Variants in AFG2A observed in about 807,000 individuals in gnomAD.
AFG2A encodes the protein ATPase family gene 2 protein homolog A.
chr4:123,138,699 AT>A, the AFG2A span, among the ~76,000 whole-genome samples: 7 of 152,104 alleles, frequency 4.6e-5, no homozygotes, highest in Admixed American at 2.0e-4. Context: ...TGGAAAAAAA[AT>A]AAATATATTC....
chr4:122,955,125 G>C, the AFG2A span, among the ~76,000 whole-genome samples: 2 of 152,178 alleles, frequency 1.3e-5, no homozygotes, highest in Non-Finnish European at 1.5e-5. Context: ...ACAAGACATA[G>C]GGTTTTATTA....
chr4:123,188,117 A>G, the AFG2A span, among the ~76,000 whole-genome samples: 1 of 152,068 alleles, frequency 6.6e-6, no homozygotes, highest in Non-Finnish European at 1.5e-5. Context: ...TTTTATTCTT[A>G]TCATTAAACA....
At chr4:123,197,770 A>AAAATAAATAAATAAATAAATAAAT in the AFG2A span, among the ~76,000 whole-genome samples, 65 of 149,512 alleles carry the variant, frequency 4.3e-4, no homozygotes, top group African/African-American at 1.4e-3. Flanking sequence ...TCCATCTCAA[A>AAAATAAATAAATAAATAAATAAAT]AAATAAATAA....
chr4:123,171,795 T>C, the AFG2A span, among the ~76,000 whole-genome samples: 1 of 152,112 alleles, frequency 6.6e-6, no homozygotes, highest in Non-Finnish European at 1.5e-5. Context: ...TCTAATATTT[T>C]CCATAAATTT....
At chr4:123,152,663 C>T in the AFG2A span, among the ~76,000 whole-genome samples, 1 of 152,296 alleles carries the variant, frequency 6.6e-6, no homozygotes, top group South Asian at 2.1e-4. Flanking sequence ...GCTGGTGGGA[C>T]TATAAAATGG....
chr4:123,279,314 G>T, the AFG2A span, among the ~76,000 whole-genome samples: 1 of 152,028 alleles, frequency 6.6e-6, no homozygotes, highest in Non-Finnish European at 1.5e-5. Flanking sequence ...TGAGGCTGGG[G>T]CAAGGAAATC....
chr4:123,292,658 C>T, the AFG2A span, among the ~76,000 whole-genome samples: 6 of 152,232 alleles, frequency 3.9e-5, no homozygotes, highest in East Asian at 5.8e-4. Flanking sequence ...CATCTTTGCA[C>T]AGTGGCTTTC....
the AFG2A span, among the ~76,000 whole-genome samples, chr4:123,303,792 A>G: frequency 6.6e-6 from 1 of 151,718 alleles, no homozygotes; most frequent in East Asian, 1.9e-4. Context: ...AACAACTTTG[A>G]ATCAGCAAAA....
the AFG2A span, chr4:122,923,457 G>C: frequency 9.7e-7 from 1 of 1,027,584 alleles, no homozygotes; most frequent in South Asian, 1.6e-5. Context: ...ACTTCTGTAT[G>C]TAAGAAGCAT....
At chr4:123,021,297 T>C in the AFG2A span, among the ~76,000 whole-genome samples, 3 of 152,018 alleles carry the variant, frequency 2.0e-5, no homozygotes, top group East Asian at 5.8e-4. Flanking sequence ...CTTTTTAAGA[T>C]TTTTATTCTT....
the AFG2A span, among the ~76,000 whole-genome samples, chr4:123,255,172 C>T: frequency 6.6e-6 from 1 of 152,092 alleles, no homozygotes; most frequent in African/African-American, 2.4e-5. Flanking sequence ...GTCATGTTGC[C>T]CAGGCTGGTC....
the AFG2A span, among the ~76,000 whole-genome samples, chr4:123,151,907 G>T: frequency 1.3e-5 from 2 of 152,060 alleles, no homozygotes; most frequent in East Asian, 3.9e-4. Context: ...CTGAAATAAA[G>T]AAAATGTGGC....
the AFG2A span, among the ~76,000 whole-genome samples, chr4:122,994,246 G>A: frequency 6.6e-6 from 1 of 152,000 alleles, no homozygotes; most frequent in Non-Finnish European, 1.5e-5. Flanking sequence ...GCCTATAATA[G>A]TACTGTGCTA....
chr4:123,227,437 C>T, the AFG2A span, among the ~76,000 whole-genome samples: 1 of 152,166 alleles, frequency 6.6e-6, no homozygotes, highest in African/African-American at 2.4e-5. Context: ...TTTCAAAGAA[C>T]ATCTGTATTT....
chr4:123,058,658 G>A, the AFG2A span, among the ~76,000 whole-genome samples: 2 of 152,086 alleles, frequency 1.3e-5, no homozygotes, highest in African/African-American at 2.4e-5. Context: ...ATCAGATCTC[G>A]TGAGACTGAT....
At chr4:123,002,868 G>T in the AFG2A span, among the ~76,000 whole-genome samples, 1 of 152,202 alleles carries the variant, frequency 6.6e-6, no homozygotes, top group African/African-American at 2.4e-5. Flanking sequence ...CTGGATTGGG[G>T]AAGTTCTCCT....
the AFG2A span, among the ~76,000 whole-genome samples, chr4:123,009,393 A>G: frequency 6.6e-6 from 1 of 152,240 alleles, no homozygotes; most frequent in East Asian, 1.9e-4. Context: ...CACTGTCAGT[A>G]TAAACTTATC....
At chr4:123,263,855 G>A in the AFG2A span, among the ~76,000 whole-genome samples, 2 of 152,110 alleles carry the variant, frequency 1.3e-5, no homozygotes, top group Non-Finnish European at 2.9e-5. Flanking sequence ...CAATCCCACT[G>A]CTAGTATCTA....
At chr4:123,167,501 C>T in the AFG2A span, among the ~76,000 whole-genome samples, 1 of 152,062 alleles carries the variant, frequency 6.6e-6, no homozygotes, top group Non-Finnish European at 1.5e-5. Context: ...GCGCCCGCCA[C>T]CATGCCCAGC....
Sources: allele counts gnomAD v4.1 joint callset (sites outside exome capture counted in the v4.1 genomes callset), GRCh38; gene constraint gnomAD v4.1.1; transcripts MANE v1.5; gene names NCBI Gene and HGNC (gene_info 2026-07-23, HGNC 2026-07-21).